STPG2: variants seen among roughly 807,000 people sequenced by gnomAD.
STPG2 encodes the protein sperm-tail PG-rich repeat-containing protein 2.
STPG2 carries 56 observed loss-of-function variants against 54.2 expected under a neutral mutation model. The ratio of observed to expected loss-of-function variants is 1.03; its 90% CI spans 0.83 to 1.29. The LOEUF is 1.29. STPG2 is among the 50% of genes most tolerant of loss of function. The probability of loss-of-function intolerance (pLI) is 0.00; values close to 1 mark genes in which losing one functional copy is unlikely to be tolerated. For missense variants in STPG2, 596 were observed against 544.9 expected (o/e 1.09, Z -0.93); for synonymous variants, 200 against 181.8 (o/e 1.10, Z -0.81).
At chr4:97,890,531 T>C (rs554922424) in intron 8 of STPG2, among the ~76,000 whole-genome samples, 3 of 151,956 alleles carry the variant, frequency 2.0e-5, no homozygotes, top group Admixed American at 6.6e-5. Context: ...GCAACCCACA[T>C]TTAATACAAA....
rs115992334 is a variant in STPG2, at chr4:97,497,921, A to C, written c.462+214778T>G. Among the ~76,000 whole-genome samples the C allele has an allele frequency of 2.8e-3, 431 of 151,938 alleles. 3 individuals carry two copies. The highest frequency in any genetic ancestry group is 9.6e-3 in the African/African-American group (399 of 41,498). On this transcript the variant is annotated intron_variant, in intron 4 of 4. Transcript: ENST00000522676. ...ATTCTTATGTTATTGCCTCAATATA[A>C]CTTACTAAGGCTGAGGCTTAACAAA...
At chr4:97,632,186 T>C (rs1003502215) in intron 10 of STPG2, among the ~76,000 whole-genome samples, 1 of 151,936 alleles carries the variant, frequency 6.6e-6, no homozygotes, top group Non-Finnish European at 1.5e-5. Flanking sequence ...CTCCATTTCA[T>C]CCTTAAAATC....
At chr4:97,943,486 C>T (rs571130183) in intron 8 of STPG2, among the ~76,000 whole-genome samples, 2 of 152,220 alleles carry the variant, frequency 1.3e-5, no homozygotes, top group East Asian at 1.9e-4. Context: ...TACCATTTAA[C>T]ATACAGGTCA....
chr4:97,510,714 G>A (rs1250262850), intron 4 of STPG2, among the ~76,000 whole-genome samples: 3 of 152,052 alleles, frequency 2.0e-5, no homozygotes, highest in African/African-American at 4.8e-5. Context: ...CCTCACATGT[G>A]CAGTTCACAA....
chr4:98,032,029 C>G (rs1324041641), intron 5 of STPG2, among the ~76,000 whole-genome samples: 1 of 152,170 alleles, frequency 6.6e-6, no homozygotes. Context: ...CACTTTACTC[C>G]TGCAATAATG....
intron 9 of STPG2, among the ~76,000 whole-genome samples, chr4:97,747,642 A>G (rs1332917202): frequency 6.6e-6 from 1 of 151,304 alleles, no homozygotes; most frequent in Non-Finnish European, 1.5e-5. Flanking sequence ...CTTTTTACTC[A>G]TGAGATTTTA....
intron 8 of STPG2, among the ~76,000 whole-genome samples, chr4:97,890,411 T>G (rs1254077703): frequency 6.6e-6 from 1 of 152,000 alleles, no homozygotes; most frequent in East Asian, 1.9e-4. Context: ...AAAGAACAAG[T>G]CCTTATGATT....
At chr4:97,534,987 G>C (rs1207618318) in intron 4 of STPG2, among the ~76,000 whole-genome samples, 2 of 152,068 alleles carry the variant, frequency 1.3e-5, no homozygotes, top group African/African-American at 4.8e-5. Flanking sequence ...TTTTCTATTT[G>C]ATGAATGTAA....
intron 9 of STPG2, among the ~76,000 whole-genome samples, chr4:97,741,558 T>C (rs963090261): frequency 6.6e-6 from 1 of 152,082 alleles, no homozygotes; most frequent in Non-Finnish European, 1.5e-5. Flanking sequence ...GCAAAGGACA[T>C]GAACAGACAC....
At chr4:97,865,967 T>C (rs938796133) in intron 8 of STPG2, among the ~76,000 whole-genome samples, 1 of 151,884 alleles carries the variant, frequency 6.6e-6, no homozygotes, top group Non-Finnish European at 1.5e-5. Flanking sequence ...CTGGAGGTCA[T>C]TGTTAAATGA....
chr4:97,761,560 C>T (rs947849990), intron 9 of STPG2, among the ~76,000 whole-genome samples: 7 of 152,126 alleles, frequency 4.6e-5, no homozygotes, highest in African/African-American at 1.7e-4. Flanking sequence ...ATTTAAGCCA[C>T]CCAGCTTATG....
intron 9 of STPG2, among the ~76,000 whole-genome samples, chr4:97,735,197 T>A (rs932172362): frequency 6.6e-6 from 1 of 152,028 alleles, no homozygotes; most frequent in African/African-American, 2.4e-5. Flanking sequence ...TACTTCTATA[T>A]ACATATATGC....
At chr4:98,062,057 C>G (rs1737677427) in intron 5 of STPG2, among the ~76,000 whole-genome samples, 1 of 152,096 alleles carries the variant, frequency 6.6e-6, no homozygotes, top group South Asian at 2.1e-4. Flanking sequence ...AAATGCCCAT[C>G]AATGACAGAT....
intron 2 of STPG2, 36 bp downstream of exon 2, chr4:98,134,311 G>GT (rs762454414): frequency 1.1e-5 from 14 of 1,299,438 alleles, no homozygotes; most frequent in African/African-American, 1.5e-5. Flanking sequence ...AGAAAACATG[G>GT]TTTTATTAAG....
chr4:97,599,135 A>G (rs909637787), intron 10 of STPG2, among the ~76,000 whole-genome samples: 1 of 152,218 alleles, frequency 6.6e-6, no homozygotes, highest in African/African-American at 2.4e-5. Context: ...ATTTGCGGCC[A>G]GCAAGCATAT....
At chr4:97,482,555 G>A (rs1044309266) in intron 4 of STPG2, among the ~76,000 whole-genome samples, 1 of 151,484 alleles carries the variant, frequency 6.6e-6, no homozygotes, top group Non-Finnish European at 1.5e-5. Flanking sequence ...AAGAAGTCTG[G>A]GATATGTTAA....
intron 4 of STPG2, among the ~76,000 whole-genome samples, chr4:97,511,231 T>C (rs953338709): frequency 1.3e-5 from 2 of 151,798 alleles, no homozygotes; most frequent in South Asian, 4.2e-4. Flanking sequence ...GCTTAAATTA[T>C]GAAGACACAG....
At chr4:97,450,105 G>A (rs1025945952) in intron 4 of STPG2, among the ~76,000 whole-genome samples, 11 of 151,976 alleles carry the variant, frequency 7.2e-5, no homozygotes, top group Non-Finnish European at 1.0e-4. Context: ...AGAGCCTTTC[G>A]AATAACTATT....
intron 4 of STPG2, among the ~76,000 whole-genome samples, chr4:97,541,114 G>A (rs549223053): frequency 8.4e-4 from 128 of 152,222 alleles, no homozygotes; most frequent in Non-Finnish European, 1.4e-3. Flanking sequence ...TGGAAGTTCC[G>A]GCCAGGGCAA....
Sources: allele counts gnomAD v4.1 joint callset (sites outside exome capture counted in the v4.1 genomes callset), GRCh38; gene constraint gnomAD v4.1.1; transcripts MANE v1.5; gene names NCBI Gene and HGNC (gene_info 2026-07-23, HGNC 2026-07-21).